The following GRM8 variants were observed in gnomAD, a reference collection of about 807,000 sequenced individuals.
GRM8 encodes the protein glutamate metabotropic receptor 8, also known as metabotropic glutamate receptor 8.
GRM8 carries 47 observed loss-of-function variants against 87.2 expected under a neutral mutation model. The observed-to-expected ratio is 0.54, with a 90% CI of 0.43 to 0.69. The LOEUF is 0.69. Among genes scored for constraint, GRM8 ranks in the 30% least tolerant of loss-of-function variants. The probability of loss-of-function intolerance (pLI) is 0.00; values close to 1 mark genes in which losing one functional copy is unlikely to be tolerated. For missense variants in GRM8, 1,019 were observed against 1,139.2 expected (o/e 0.89, Z 1.52); for synonymous variants, 396 against 404.5 (o/e 0.98, Z 0.25).
chr7:127,049,838 G>C (rs944441202), intron 3 of GRM8, among the ~76,000 whole-genome samples: 2 of 152,124 alleles, frequency 1.3e-5, no homozygotes, highest in Admixed American at 6.6e-5. Context: ...AGCAGTGAGG[G>C]AGGAAAGAAC....
At chr7:126,732,326 T>C (rs550450075) in intron 7 of GRM8, among the ~76,000 whole-genome samples, 173 of 152,238 alleles carry the variant, frequency 1.1e-3, no homozygotes, top group Non-Finnish European at 2.1e-3. Context: ...AAGTCTTCTA[T>C]ATCCATTCGG....
At position 126,978,667 on chromosome 7, in the gene GRM8, G is replaced by T. The variant is rs144270402; in HGVS notation, c.728-73984C>A. On this transcript the variant is annotated intron_variant, in intron 3 of 10. Coordinates refer to ENST00000339582, the MANE Select transcript of GRM8 (RefSeq NM_000845.3). ...CTTGGTAAGACTTTTGCAAAACCAA[G>T]TCAAGTGTTAGATAGGTGGCAGGAT... is the stretch of plus-strand genomic sequence containing the variant. 4.1e-3 allele frequency among the ~76,000 whole-genome samples: 630 copies of T among 152,314 alleles called. 3 individuals are homozygous for T. Among genetic ancestry groups the T allele is most frequent in the African/African-American group, 0.014 (601 of 41,576 alleles).
At chr7:126,632,753 G>C (rs1229483341) in intron 7 of GRM8, among the ~76,000 whole-genome samples, 17 of 152,146 alleles carry the variant, frequency 1.1e-4, no homozygotes, top group African/African-American at 3.9e-4. Context: ...GGAGCTGGAA[G>C]CCATTATCCT....
chr7:127,186,790 C>T (rs1794762576), intron 2 of GRM8, among the ~76,000 whole-genome samples: 1 of 152,190 alleles, frequency 6.6e-6, no homozygotes, highest in Non-Finnish European at 1.5e-5. Context: ...GATGCACCTG[C>T]TCTGTGGAGC....
chr7:127,239,873 C>T (rs752371472), intron 2 of GRM8, among the ~76,000 whole-genome samples: 3 of 152,182 alleles, frequency 2.0e-5, no homozygotes, highest in Non-Finnish European at 2.9e-5. Flanking sequence ...ATCTCACTGA[C>T]GGACTTTTGA....
chr7:126,539,897 T>G (rs1816338674), intron 8 of GRM8, among the ~76,000 whole-genome samples: 1 of 151,970 alleles, frequency 6.6e-6, no homozygotes, highest in Non-Finnish European at 1.5e-5. Flanking sequence ...AGGCAGTGTT[T>G]TTTAGACATG....
intron 8 of GRM8, among the ~76,000 whole-genome samples, chr7:126,596,878 T>C (rs979384302): frequency 2.6e-5 from 4 of 152,126 alleles, no homozygotes; most frequent in African/African-American, 7.2e-5. Flanking sequence ...AAAAGGGACA[T>C]GGAATCTTAA....
chr7:126,667,022 T>G lies in GRM8; in HGVS notation c.1358-57524A>C, dbSNP rs191597346. On this transcript the variant is annotated intron_variant, in intron 7 of 10. Coordinates refer to ENST00000339582, the MANE Select transcript of GRM8 (RefSeq NM_000845.3). ...TCAAAATATAGCTGGTCTCAAGGTT[T>G]GGAGTAAAGGATTTTGACCTAATGG... Among the ~76,000 whole-genome samples the G allele has an allele frequency of 3.9e-5, 6 of 152,300 alleles. No individual in the cohort carries two copies. The East Asian group carries it at 1.2e-3, about 29-fold the overall frequency.
chr7:126,717,274 G>C (rs1442406504), intron 7 of GRM8, among the ~76,000 whole-genome samples: 1 of 152,174 alleles, frequency 6.6e-6, no homozygotes, highest in Non-Finnish European at 1.5e-5. Context: ...AATAATTCTA[G>C]AAGGGTGGAG....
At chr7:126,718,448 T>TG (rs1159347466) in intron 7 of GRM8, among the ~76,000 whole-genome samples, 3 of 152,114 alleles carry the variant, frequency 2.0e-5, no homozygotes, top group Non-Finnish European at 4.4e-5. Flanking sequence ...TTTCATATCC[T>TG]GGGGTGAGTT....
chr7:127,145,059 A>G (rs142876823), intron 2 of GRM8, among the ~76,000 whole-genome samples: 7 of 152,282 alleles, frequency 4.6e-5, no homozygotes, highest in Middle Eastern at 3.4e-3. Context: ...TCAAAAAGTC[A>G]ACATATTAAG....
At chr7:127,098,278 C>T (rs1824873941) in intron 3 of GRM8, among the ~76,000 whole-genome samples, 1 of 152,150 alleles carries the variant, frequency 6.6e-6, no homozygotes. Flanking sequence ...TATTTTACAA[C>T]ATTAATACTT....
At chr7:127,015,002 AAG>A (rs1815304848) in intron 3 of GRM8, among the ~76,000 whole-genome samples, 2 of 11,466 alleles carry the variant, frequency 1.7e-4, no homozygotes, top group Non-Finnish European at 3.0e-4. Context: ...AAGAAGAAGA[AAG>A]AAGAAGAAGA....
chr7:126,920,013 C>G (rs577134376), intron 3 of GRM8, among the ~76,000 whole-genome samples: 1 of 152,144 alleles, frequency 6.6e-6, no homozygotes, highest in Non-Finnish European at 1.5e-5. Context: ...AGCCCTGCCC[C>G]TCTGATGTGA....
chr7:127,090,187 C>A (rs1823917428), intron 3 of GRM8, among the ~76,000 whole-genome samples: 1 of 152,228 alleles, frequency 6.6e-6, no homozygotes, highest in Non-Finnish European at 1.5e-5. Context: ...CTTGACCCTG[C>A]AATCCAGTTT....
intron 3 of GRM8, among the ~76,000 whole-genome samples, chr7:127,083,723 C>T (rs1409445559): frequency 6.6e-6 from 1 of 151,950 alleles, no homozygotes; most frequent in Admixed American, 6.6e-5. Flanking sequence ...GCAAATGCTG[C>T]CCCCCTCTTT....
chr7:126,462,963 A>G (rs1488402723), intron 9 of GRM8, among the ~76,000 whole-genome samples: 1 of 151,604 alleles, frequency 6.6e-6, no homozygotes, highest in Admixed American at 6.6e-5. Flanking sequence ...TCCTTCTTCC[A>G]TTGTATTGGA....
At chr7:127,175,880 T>C (rs994148303) in intron 2 of GRM8, among the ~76,000 whole-genome samples, 1 of 152,128 alleles carries the variant, frequency 6.6e-6, no homozygotes, top group Non-Finnish European at 1.5e-5. Context: ...GAAAATGATA[T>C]AGGTCAGAAA....
intron 3 of GRM8, among the ~76,000 whole-genome samples, chr7:126,933,449 A>G (rs1386389155): frequency 6.6e-6 from 1 of 152,208 alleles, no homozygotes; most frequent in Non-Finnish European, 1.5e-5. Context: ...TTCCGTTCAC[A>G]CTTCACTGGC....
Sources: gnomAD v4.1 joint callset for allele counts (sites outside exome capture counted in the v4.1 genomes callset) on GRCh38, gnomAD v4.1.1 for gene constraint, MANE v1.5 for transcripts, NCBI Gene and HGNC (gene_info 2026-07-23, HGNC 2026-07-21) for gene names.